The following KDM7A variants were observed in gnomAD, a reference collection of about 807,000 sequenced individuals.
KDM7A encodes the protein lysine demethylase 7A, also known as lysine-specific demethylase 7A.
Under a neutral mutation model 114.8 loss-of-function variants are expected in KDM7A, and 28 were observed. The ratio of observed to expected loss-of-function variants is 0.24; its 90% CI spans 0.18 to 0.33. The LOEUF (loss-of-function observed/expected upper bound fraction) is 0.33. Among genes scored for constraint, KDM7A ranks in the 10% least tolerant of loss-of-function variants. The pLI is 1.00. For missense variants in KDM7A, 942 were observed against 1,142.5 expected (o/e 0.82, Z 2.53); for synonymous variants, 423 against 397.8 (o/e 1.06, Z -0.75).
At position 140,088,926 on chromosome 7, in the gene KDM7A, A is replaced by T. The variant is rs1817976740; in HGVS notation, c.*2168T>A. The T allele has an allele frequency of 6.4e-6, 1 of 155,254 alleles. No homozygotes were observed. Among genetic ancestry groups the T allele is most frequent in the Non-Finnish European group, 1.4e-5 (1 of 70,164 alleles). 9.6% of individuals were successfully genotyped at this position (155,254 alleles called of 1,614,324 possible). A position where few individuals can be genotyped will look rare whatever the true frequency, so the allele number is the denominator to read the frequency against. ...TTTTGTGACTAAAGAAAAAAATAGAAAATACTCAAGAGCTGTGAAAAACGT... is the reference window on the plus strand; with the variant it reads ...TTTTGTGACTAAAGAAAAAAATAGATAATACTCAAGAGCTGTGAAAAACGT... On this transcript the variant is annotated 3_prime_UTR_variant, in exon 20 of 20. Transcript: ENST00000397560.
intron 2 of KDM7A, 111 bp from the exon 3 acceptor site, chr7:140,133,767 AAC>A: frequency 1.8e-6 from 1 of 566,178 alleles, no homozygotes; most frequent in South Asian, 3.5e-5. Context: ...GTACATTAAA[AAC>A]ACTCAAGTTT....
chr7:140,117,008 G>C (rs544699011), intron 9 of KDM7A, among the ~76,000 whole-genome samples: 1 of 152,118 alleles, frequency 6.6e-6, no homozygotes, highest in Admixed American at 6.5e-5. Flanking sequence ...AAAAGGTTAC[G>C]GATAAAAGAA....
intron 11 of KDM7A, among the ~76,000 whole-genome samples, chr7:140,109,224 A>T (rs916616881): frequency 1.3e-5 from 2 of 152,244 alleles, no homozygotes; most frequent in Non-Finnish European, 2.9e-5. Context: ...TTCCTGGGAC[A>T]GGCGATGCAC....
intron 1 of KDM7A, among the ~76,000 whole-genome samples, chr7:140,144,104 C>T (rs1794313945): frequency 6.6e-6 from 1 of 152,122 alleles, no homozygotes; most frequent in Non-Finnish European, 1.5e-5. Flanking sequence ...TCACACTTCC[C>T]GACTTCAAAC....
intron 1 of KDM7A, among the ~76,000 whole-genome samples, chr7:140,148,377 GTTT>G (rs1313909597): frequency 6.7e-6 from 1 of 149,758 alleles, no homozygotes; most frequent in Non-Finnish European, 1.5e-5. Context: ...TACTTTACCT[GTTT>G]TTTGTTTTGT....
At chr7:140,173,419 A>C (rs1432909573) in intron 1 of KDM7A, among the ~76,000 whole-genome samples, 1 of 152,230 alleles carries the variant, frequency 6.6e-6, no homozygotes, top group Non-Finnish European at 1.5e-5. Context: ...ACAGAAAAGC[A>C]TCAAGGACAG....
intron 12 of KDM7A, among the ~76,000 whole-genome samples, chr7:140,100,660 T>TTATATATATATATATACATATATATA (rs1818185180): frequency 5.4e-5 from 6 of 111,300 alleles, no homozygotes; most frequent in Non-Finnish European, 1.1e-4. Flanking sequence ...TTTTAAAAAG[T>TTATATATATATATATACATATATATA]TATATATATA....
intron 10 of KDM7A, among the ~76,000 whole-genome samples, chr7:140,112,439 A>T (rs973984856): frequency 1.6e-4 from 24 of 152,182 alleles, no homozygotes; most frequent in African/African-American, 5.3e-4. Flanking sequence ...GCGAAACCTC[A>T]TTTCTACTAA....
intron 12 of KDM7A, among the ~76,000 whole-genome samples, chr7:140,100,465 A>G (rs540175685): frequency 6.6e-6 from 1 of 151,996 alleles, no homozygotes; most frequent in East Asian, 1.9e-4. Context: ...ACCACTAGGA[A>G]CAAGGGTCAC....
chr7:140,131,028 GTTTT>G (rs1325319523), intron 3 of KDM7A, among the ~76,000 whole-genome samples: 2 of 66,342 alleles, frequency 3.0e-5, no homozygotes, highest in Non-Finnish European at 6.7e-5. Context: ...TAATTTTTTT[GTTTT>G]TGTTTTTGTT....
At chr7:140,116,268 G>T (rs1818527777) in intron 9 of KDM7A, among the ~76,000 whole-genome samples, 1 of 151,970 alleles carries the variant, frequency 6.6e-6, no homozygotes, top group African/African-American at 2.4e-5. Context: ...GTGTGTGTGT[G>T]TGTGTATATC....
At chr7:140,101,139 T>G (rs1393382622) in intron 12 of KDM7A, among the ~76,000 whole-genome samples, 1 of 152,038 alleles carries the variant, frequency 6.6e-6, no homozygotes, top group East Asian at 1.9e-4. Flanking sequence ...TTCTTCGATC[T>G]TATTCATTTA....
At chr7:140,158,081 C>T (rs750028687) in intron 1 of KDM7A, among the ~76,000 whole-genome samples, 1 of 151,878 alleles carries the variant, frequency 6.6e-6, no homozygotes, top group African/African-American at 2.4e-5. Context: ...ATTAAAATAT[C>T]TTAGCAATCT....
chr7:140,097,490 C>T (rs1585137694), intron 15 of KDM7A, 55 bp downstream of exon 15: 9 of 937,012 alleles, frequency 9.6e-6, no homozygotes, highest in South Asian at 4.4e-5. Context: ...GGAGAAGTTA[C>T]GTGGTGCTCA....
chr7:140,104,704 T>A (rs186309583), intron 11 of KDM7A, among the ~76,000 whole-genome samples: 2 of 152,332 alleles, frequency 1.3e-5, no homozygotes, highest in East Asian at 3.9e-4. Context: ...AGCCTTGTAG[T>A]ATAGTTTGAA....
chr7:140,103,572 T>C (rs1303340753), intron 11 of KDM7A, among the ~76,000 whole-genome samples: 3 of 152,190 alleles, frequency 2.0e-5, no homozygotes, highest in South Asian at 4.1e-4. Context: ...TTTGGTTTTT[T>C]GTCCTTGTGA....
chr7:140,142,014 TAA>T (rs1288721153), intron 1 of KDM7A, among the ~76,000 whole-genome samples: 1 of 147,798 alleles, frequency 6.8e-6, no homozygotes, highest in Non-Finnish European at 1.5e-5. Flanking sequence ...TATTTATATA[TAA>T]TATATATTTA....
At chr7:140,143,042 G>A (rs560032284) in intron 1 of KDM7A, among the ~76,000 whole-genome samples, 11 of 151,928 alleles carry the variant, frequency 7.2e-5, no homozygotes, top group South Asian at 4.2e-4. Context: ...TTAGCCGGGC[G>A]TGGTGGTGGG....
chr7:140,129,703 T>C, intron 3 of KDM7A, 50 bp from the exon 4 acceptor site: 1 of 1,273,620 alleles, frequency 7.9e-7, no homozygotes. Context: ...GTAAGGTCAG[T>C]TTAAAAAAAA....
Sources: gnomAD v4.1 joint callset for allele counts (sites outside exome capture counted in the v4.1 genomes callset) on GRCh38, gnomAD v4.1.1 for gene constraint, MANE v1.5 for transcripts, NCBI Gene and HGNC (gene_info 2026-07-23, HGNC 2026-07-21) for gene names.